RPL13A: variants seen among roughly 807,000 people sequenced by gnomAD.
The protein encoded by RPL13A is ribosomal protein L13a.
RPL13A carries 4 observed loss-of-function variants against 30.8 expected under a neutral mutation model. The ratio of observed to expected loss-of-function variants is 0.13; its 90% CI spans 0.06 to 0.30. The LOEUF (loss-of-function observed/expected upper bound fraction) is 0.30. Among genes scored for constraint, RPL13A ranks in the 10% least tolerant of loss-of-function variants. The pLI is 1.00. For synonymous variants in RPL13A, 108 were observed against 104.2 expected (o/e 1.04, Z -0.22); for missense variants, 196 against 272.6 (o/e 0.72, Z 1.98).
chr19:49,491,601 C>T, intron 7 of RPL13A, 54 bp downstream of exon 7: 1 of 1,556,040 alleles, frequency 6.4e-7, no homozygotes, highest in Non-Finnish European at 8.7e-7. Context: ...ACAGGCCTGG[C>T]AGGTGCCTTG....
rs2079861417 is a variant in RPL13A, at chr19:49,490,961, T to C, written c.343-79T>C. 3 of 1,605,220 alleles carry C rather than the reference T, an allele frequency of 1.9e-6. No homozygotes were observed. The South Asian group carries it at 3.3e-5, about 18-fold the overall frequency. On this transcript the variant is annotated intron_variant, in intron 5 of 7. Coordinates refer to ENST00000391857, the MANE Select transcript of RPL13A (RefSeq NM_012423.4). ...TGTTTGATCCTCATGAAAGCAGCAC[T>C]GGCTGAGACGCCAGTCCAGCCGACC... is the stretch of plus-strand genomic sequence containing the variant.
intron 1 of RPL13A, among the ~76,000 whole-genome samples, chr19:49,489,308 C>T (rs752165981): frequency 6.6e-6 from 1 of 151,858 alleles, no homozygotes; most frequent in Non-Finnish European, 1.5e-5. Context: ...GCAGCCTAGG[C>T]AACATGGCAA....
rs746630314 is a variant in RPL13A, at chr19:49,490,771, C to T, written c.257-8C>T. 6.2e-7 allele frequency: 1 copy of T among 1,614,152 alleles called. No individual in the cohort carries two copies. The highest frequency in any genetic ancestry group is 8.5e-7 in the Non-Finnish European group (1 of 1,180,016). On this transcript the variant is annotated splice_polypyrimidine_tract_variant and splice_region_variant and intron_variant, in intron 4 of 7. Coordinates refer to ENST00000391857, the MANE Select transcript of RPL13A (RefSeq NM_012423.4). Reference sequence around the variant, plus strand: ...CTCTGACTGGGCCTGCTATCTGTCACCCAACAGGTATGCTGCCCCACAAAA... The same window carrying T: ...CTCTGACTGGGCCTGCTATCTGTCATCCAACAGGTATGCTGCCCCACAAAA...
intron 5 of RPL13A, 47 bp from the exon 6 acceptor site, chr19:49,490,993 C>T: frequency 1.2e-6 from 2 of 1,612,596 alleles, no homozygotes; most frequent in Non-Finnish European, 1.7e-6. Flanking sequence ...GACCTCCTTC[C>T]CTGTCTGTCC....
intron 2 of RPL13A, 110 bp downstream of exon 2, chr19:49,490,032 C>T (rs1367996592): frequency 2.9e-6 from 3 of 1,051,162 alleles, no homozygotes; most frequent in Non-Finnish European, 4.5e-6. Flanking sequence ...CAACCCCATG[C>T]ACCGCTCTGA....
intron 6 of RPL13A, 55 bp downstream of exon 6, chr19:49,491,154 G>C (rs377141416): frequency 7.5e-5 from 118 of 1,574,448 alleles, no homozygotes; most frequent in Non-Finnish European, 9.8e-5. Flanking sequence ...GCCTGCTGAG[G>C]GACCTGGGGA....
rs750179690 is a variant in RPL13A, at chr19:49,489,859, C to T, written c.25C>T (p.Leu9Phe). The change falls in exon 2 of 8, where the codon CTT becomes TTT. Residue 9 changes from leucine to phenylalanine, a missense_variant. By Grantham distance (22) the Leu-to-Phe change is conservative. Transcript: ENST00000391857. ...CCCTTGTCTCCCACAGGTCCTGGTG[C>T]TTGATGGTCGAGGCCATCTCCTGGG... MAEVQVLVLDGRGHLLGRL... is the reference protein window; with the variant it reads MAEVQVLVFDGRGHLLGRL... The T allele has an allele frequency of 1.2e-6, 2 of 1,613,736 alleles. No homozygotes were observed. Among genetic ancestry groups the T allele is most frequent in the Non-Finnish European group, 1.7e-6 (2 of 1,179,574 alleles).
chr19:49,488,329 C>T lies in RPL13A; in HGVS notation c.15+685C>T, dbSNP rs565872596. On this transcript the variant is annotated intron_variant, in intron 1 of 7. Transcript: ENST00000391857. The stretch of plus-strand genomic sequence containing the variant: ...GGCCTGACACCTGGGGGCCCTTTCC[C>T]TGGCTCCTGGTGTAGCTACTTAAGT... Among the ~76,000 whole-genome samples, 258 of 152,224 alleles carry T rather than the reference C, an allele frequency of 1.7e-3. 1 individual carries two copies. Among genetic ancestry groups the T allele is most frequent in the African/African-American group, 5.9e-3 (245 of 41,524 alleles).
At chr19:49,491,382 C>G (rs1314053522) in intron 6 of RPL13A, 43 bp from the exon 7 acceptor site, 2 of 1,320,574 alleles carry the variant, frequency 1.5e-6, no homozygotes, top group Admixed American at 3.9e-5. Flanking sequence ...GCTTAGATAT[C>G]CTTACAACTT....
intron 1 of RPL13A, 50 bp downstream of exon 1, chr19:49,487,694 G>A: frequency 6.7e-7 from 1 of 1,482,466 alleles, no homozygotes; most frequent in Non-Finnish European, 8.9e-7. Flanking sequence ...TGGGATCCAG[G>A]CCGGAATGGG....
At chr19:49,490,351 G>A in intron 3 of RPL13A, 54 bp downstream of exon 3, 2 of 1,599,416 alleles carry the variant, frequency 1.3e-6, no homozygotes, top group Non-Finnish European at 1.7e-6. Context: ...GGGGTGTTGA[G>A]GCTCTGAAAG....
At position 49,490,836 on chromosome 19, in the gene RPL13A, T is replaced by C. The variant is rs1204875104; in HGVS notation, c.314T>C (p.Phe105Ser). Residue 105 changes from phenylalanine to serine, a missense_variant, in exon 5 of 8, where the codon TTT becomes TCT. Coordinates refer to ENST00000391857, the MANE Select transcript of RPL13A (RefSeq NM_012423.4). ...GQAALDRLKV[F>S]DGIPPPYDKK... ...GCCGCTCTGGACCGTCTCAAGGTGT[T>C]TGACGGCATCCCACCGCCCTACGAC... 6.2e-7 allele frequency: 1 copy of C among 1,614,012 alleles called. No individual in the cohort carries two copies. Among genetic ancestry groups the C allele is most frequent in the Non-Finnish European group, 8.5e-7 (1 of 1,180,042 alleles).
intron 1 of RPL13A, 137 bp downstream of exon 1, chr19:49,487,781 AG>A (rs2079820290): frequency 1.1e-6 from 1 of 949,716 alleles, no homozygotes; most frequent in African/African-American, 1.8e-5. Context: ...TTTTGGGATA[AG>A]GGGAATCTGT....
chr19:49,488,137 C>G (rs965157176), intron 1 of RPL13A, among the ~76,000 whole-genome samples: 2 of 152,268 alleles, frequency 1.3e-5, no homozygotes, highest in South Asian at 2.1e-4. Flanking sequence ...AGCTCCGGTT[C>G]TTTTAATTCT....
At chr19:49,489,794 G>A in intron 1 of RPL13A, 56 bp from the exon 2 acceptor site, 1 of 1,351,800 alleles carries the variant, frequency 7.4e-7, no homozygotes, top group Non-Finnish European at 1.1e-6. Flanking sequence ...GCTTGCTTGT[G>A]AGGACAATCA....
intron 5 of RPL13A, 36 bp from the exon 6 acceptor site, chr19:49,491,004 C>T (rs1214065712): frequency 6.2e-7 from 1 of 1,613,606 alleles, no homozygotes; most frequent in Admixed American, 1.7e-5. Context: ...CTGTCTGTCC[C>T]TCCCGGGCTC....
chr19:49,490,163 G>T, intron 2 of RPL13A, 69 bp from the exon 3 acceptor site: 1 of 1,425,624 alleles, frequency 7.0e-7, no homozygotes, highest in Non-Finnish European at 9.9e-7. Flanking sequence ...TGTGTCTGGA[G>T]GGTGACTGCA....
In RPL13A at chr19:49,489,838, T is replaced by C. The variant is rs764155882; in HGVS notation, c.16-12T>C. 3 of 1,611,172 alleles carry C rather than the reference T, an allele frequency of 1.9e-6. No homozygotes were observed. The South Asian group carries it at 3.3e-5, about 18-fold the overall frequency. ...CCTTGTCTCTGAGTCCTTTTGCCCT[T>C]GTCTCCCACAGGTCCTGGTGCTTGA... On this transcript the variant is annotated splice_polypyrimidine_tract_variant and intron_variant, in intron 1 of 7. Transcript: ENST00000391857.
chr19:49,490,801 G>C lies in RPL13A; in HGVS notation c.279G>C (p.Lys93Asn), dbSNP rs766128250. The change falls in exon 5 of 8, where the codon AAG (lysine) becomes AAC (asparagine). Residue 93 changes from lysine (K) to asparagine (N), a missense_variant. Coordinates refer to ENST00000391857, the MANE Select transcript of RPL13A (RefSeq NM_012423.4). ...CAGGTATGCTGCCCCACAAAACCAA[G>C]CGAGGCCAGGCCGCTCTGGACCGTC... ...TVRGMLPHKT[K>N]RGQAALDRLK... 6.2e-6 allele frequency: 10 copies of C among 1,614,156 alleles called. No individual in the cohort carries two copies. The highest frequency in any genetic ancestry group is 7.6e-6 in the Non-Finnish European group (9 of 1,180,046).
Sources: allele counts gnomAD v4.1 joint callset (sites outside exome capture counted in the v4.1 genomes callset), GRCh38; gene constraint gnomAD v4.1.1; transcripts MANE v1.5; gene names NCBI Gene and HGNC (gene_info 2026-07-23, HGNC 2026-07-21).